STON1: variants seen among roughly 807,000 people sequenced by gnomAD.
The protein encoded by STON1 is stonin-1.
A neutral mutation model predicts 60.9 loss-of-function variants in STON1; 79 were observed. That is an observed-to-expected ratio of 1.30 (90% CI 1.08 to 1.56). The LOEUF (loss-of-function observed/expected upper bound fraction) is 1.56, where lower values mean the gene tolerates loss of function less well. Among genes scored for constraint, STON1 ranks in the 40% most tolerant of loss-of-function variants. The pLI, the probability that STON1 is intolerant of heterozygous loss-of-function variation, is 0.00. For synonymous variants in STON1, 363 were observed against 306.9 expected (o/e 1.18, Z -1.91); for missense variants, 1,166 against 858.9 (o/e 1.36, Z -4.47).
chr2:48,531,269 T>G (rs1671201269), intron 1 of STON1: 3 of 152,312 alleles, frequency 2.0e-5, no homozygotes, highest in Admixed American at 2.0e-4. Flanking sequence ...TGCATAGCTC[T>G]AGTCTCCCTC....
At chr2:48,540,387 T>C (rs1321315593) in intron 1 of STON1, among the ~76,000 whole-genome samples, 2 of 152,172 alleles carry the variant, frequency 1.3e-5, no homozygotes, top group African/African-American at 4.8e-5. Flanking sequence ...GACTCTAATG[T>C]TCCGCCTGTG....
At chr2:48,553,607 C>G (rs1203823943) in intron 1 of STON1, among the ~76,000 whole-genome samples, 1 of 152,104 alleles carries the variant, frequency 6.6e-6, no homozygotes, top group African/African-American at 2.4e-5. Flanking sequence ...CCTGCCTCAG[C>G]CTCCCAAGTA....
intron 1 of STON1, among the ~76,000 whole-genome samples, chr2:48,571,481 T>C (rs1438242822): frequency 6.6e-6 from 1 of 152,100 alleles, no homozygotes; most frequent in Non-Finnish European, 1.5e-5. Flanking sequence ...CAGGTACATA[T>C]CTAGACCAAC....
chr2:48,554,517 C>T (rs1383710866), intron 1 of STON1, among the ~76,000 whole-genome samples: 1 of 152,164 alleles, frequency 6.6e-6, no homozygotes. Flanking sequence ...GCCATTGCGC[C>T]CGGCCTTTTG....
In STON1 at chr2:48,582,180, G is replaced by A. The variant is rs150634127; in HGVS notation, c.1547G>A (p.Arg516His). Residue 516 changes from arginine to histidine, a missense_variant, in exon 2 of 4, where the codon CGT (arginine) becomes CAT (histidine). Arg to His is a conservative substitution (Grantham distance 29). Coordinates refer to ENST00000404752, the MANE Select transcript of STON1 (RefSeq NM_006873.4). ...PLDACRFELMRFKTLYNGDNL... is the reference protein window; with the variant it reads ...PLDACRFELMHFKTLYNGDNL... ...GATGCCTGCCGGTTTGAGCTGATGC[G>A]TTTCAAGACTTTGTATAATGGGGAT... 107 of 1,614,176 alleles carry A rather than the reference G, an allele frequency of 6.6e-5. No individual in the cohort carries two copies. The highest frequency in any genetic ancestry group is 8.0e-5 in the African/African-American group (6 of 75,024).
At chr2:48,577,761 G>T (rs568511339) in intron 1 of STON1, among the ~76,000 whole-genome samples, 4 of 150,252 alleles carry the variant, frequency 2.7e-5, no homozygotes, top group Middle Eastern at 6.5e-3. Context: ...GATTACAGGC[G>T]TCCACCACCA....
At chr2:48,591,955 T>C in intron 3 of STON1, 100 bp downstream of exon 3, 1 of 1,462,524 alleles carries the variant, frequency 6.8e-7, no homozygotes, top group Non-Finnish European at 9.1e-7. Flanking sequence ...TGTGTATATG[T>C]GTGGTGAGAT....
intron 1 of STON1, among the ~76,000 whole-genome samples, chr2:48,570,132 T>A (rs1385515539): frequency 6.6e-6 from 1 of 152,154 alleles, no homozygotes; most frequent in Non-Finnish European, 1.5e-5. Context: ...GTCAGGAGTT[T>A]GAGGCCAGCC....
rs932406299 is a variant in STON1 at position 48,598,135 on chromosome 2, G to A, written c.*2833G>A. 6.6e-6 allele frequency: 1 copy of A among 152,122 alleles called. No homozygotes were observed. The highest frequency in any genetic ancestry group is 2.4e-5 in the African/African-American group (1 of 41,402). The allele number at this position is 152,122 out of a possible 1,614,324, so 9.4% of individuals were successfully genotyped here. A position where few individuals can be genotyped will look rare whatever the true frequency, so the allele number is the denominator to read the frequency against. On this transcript the variant is annotated 3_prime_UTR_variant, in exon 4 of 4. Transcript: ENST00000404752. The stretch of plus-strand genomic sequence containing the variant: ...TGTGTAAATGAATTCATGGGTAGAT[G>A]ATTTGTGCAGATCTGAATTTAAGAA...
At chr2:48,589,098 A>G (rs1674373012) in intron 2 of STON1, among the ~76,000 whole-genome samples, 1 of 152,080 alleles carries the variant, frequency 6.6e-6, no homozygotes, top group African/African-American at 2.4e-5. Context: ...AATTAAATAT[A>G]TCTACCTCTA....
chr2:48,563,805 C>T (rs1672710623), intron 1 of STON1, among the ~76,000 whole-genome samples: 1 of 151,996 alleles, frequency 6.6e-6, no homozygotes, highest in South Asian at 2.1e-4. Context: ...GCAGTTCTCT[C>T]ACCTCGGCCT....
At chr2:48,575,896 T>C (rs1160094343) in intron 1 of STON1, among the ~76,000 whole-genome samples, 1 of 151,026 alleles carries the variant, frequency 6.6e-6, no homozygotes, top group Non-Finnish European at 1.5e-5. Flanking sequence ...GCAGCTGAGA[T>C]TACAGGTGTG....
chr2:48,550,421 T>C (rs1232126447), intron 1 of STON1, among the ~76,000 whole-genome samples: 2 of 150,614 alleles, frequency 1.3e-5, no homozygotes, highest in Non-Finnish European at 3.0e-5. Context: ...TGCTTGAACC[T>C]AGGAGGCAGA....
At chr2:48,594,083 T>C (rs1476615686) in intron 3 of STON1, among the ~76,000 whole-genome samples, 1 of 152,150 alleles carries the variant, frequency 6.6e-6, no homozygotes, top group African/African-American at 2.4e-5. Flanking sequence ...TCTGACTACA[T>C]TGCATCCCAG....
chr2:48,575,754 T>G (rs867449686), intron 1 of STON1, among the ~76,000 whole-genome samples: 2 of 117,240 alleles, frequency 1.7e-5, no homozygotes, highest in Non-Finnish European at 3.6e-5. Flanking sequence ...TTTTAGTTTT[T>G]GTTTGTTTTT....
chr2:48,535,572 C>T (rs893919925), intron 1 of STON1, among the ~76,000 whole-genome samples: 3 of 152,186 alleles, frequency 2.0e-5, no homozygotes, highest in Admixed American at 1.3e-4. Flanking sequence ...CAGCTGGGCG[C>T]AGTGGCTCAT....
At chr2:48,572,853 C>G (rs1024738500) in intron 1 of STON1, among the ~76,000 whole-genome samples, 2 of 152,200 alleles carry the variant, frequency 1.3e-5, no homozygotes, top group Non-Finnish European at 2.9e-5. Flanking sequence ...CCCATCGAAA[C>G]CCTGCTCTCC....
At position 48,560,721 on chromosome 2, in the gene STON1, G is replaced by A. The variant is rs138995906; in HGVS notation, c.-47-19866G>A. On this transcript the variant is annotated intron_variant, in intron 1 of 3. Transcript: ENST00000404752. The stretch of plus-strand genomic sequence containing the variant: ...CAACACAGCTCCACAGCTGCAGTGA[G>A]CACAGCTGCAGAAACCCAGGAGCTG... Among the ~76,000 whole-genome samples the A allele has an allele frequency of 7.2e-5, 11 of 152,324 alleles. 1 individual carries two copies. The East Asian group carries it at 2.1e-3, about 29-fold the overall frequency.
At chr2:48,592,423 A>T (rs973478607) in intron 3 of STON1, among the ~76,000 whole-genome samples, 6 of 150,102 alleles carry the variant, frequency 4.0e-5, no homozygotes, top group Non-Finnish European at 7.4e-5. Flanking sequence ...TTACTCTATT[A>T]TGGTAGTTTT....
Sources: allele counts gnomAD v4.1 joint callset (sites outside exome capture counted in the v4.1 genomes callset), GRCh38; gene constraint gnomAD v4.1.1; transcripts MANE v1.5; gene names NCBI Gene and HGNC (gene_info 2026-07-23, HGNC 2026-07-21).